Variants in SLC25A21 observed in about 807,000 individuals in gnomAD.
SLC25A21 encodes the protein solute carrier family 25 member 21.
In SLC25A21, 47 loss-of-function variants were observed where a neutral mutation model predicts 43.8. The observed-to-expected ratio is 1.07, with a 90% CI of 0.85 to 1.37. The LOEUF (loss-of-function observed/expected upper bound fraction) is 1.37. Among genes scored for constraint, SLC25A21 ranks in the 40% most tolerant of loss-of-function variants. The pLI, the probability that SLC25A21 is intolerant of heterozygous loss-of-function variation, is 0.00. For missense variants in SLC25A21, 352 were observed against 350.2 expected (o/e 1.00, Z -0.04); for synonymous variants, 131 against 121.3 (o/e 1.08, Z -0.52).
intron 1 of SLC25A21, among the ~76,000 whole-genome samples, chr14:37,104,199 C>A (rs1170669081): frequency 6.6e-6 from 1 of 152,172 alleles, no homozygotes; most frequent in Non-Finnish European, 1.5e-5. Flanking sequence ...TAATTAACCT[C>A]ATAAGAGGTA....
intron 1 of SLC25A21, among the ~76,000 whole-genome samples, chr14:37,133,171 A>T (rs1490708550): frequency 2.0e-5 from 3 of 150,220 alleles, no homozygotes; most frequent in African/African-American, 4.9e-5. Flanking sequence ...ACACACACAC[A>T]CTCATGCAAA....
At chr14:36,983,188 T>C (rs17105857) in intron 1 of SLC25A21, among the ~76,000 whole-genome samples, 7,710 of 152,236 alleles carry the variant, frequency 0.051, 680 homozygotes, top group African/African-American at 0.18. Flanking sequence ...ATGTTCTAGA[T>C]AGCATACACT....
intron 3 of SLC25A21, among the ~76,000 whole-genome samples, chr14:36,738,683 A>G (rs1218318036): frequency 1.3e-5 from 2 of 152,232 alleles, no homozygotes; most frequent in Non-Finnish European, 2.9e-5. Context: ...AACACCTCCC[A>G]TAAAACTGTA....
At chr14:36,892,411 T>C (rs1891096338) in intron 1 of SLC25A21, among the ~76,000 whole-genome samples, 1 of 152,060 alleles carries the variant, frequency 6.6e-6, no homozygotes, top group Middle Eastern at 3.2e-3. Context: ...ATACAGGAAA[T>C]GTGGTATATA....
intron 6 of SLC25A21, among the ~76,000 whole-genome samples, chr14:36,715,138 T>C (rs1873286815): frequency 6.6e-6 from 1 of 152,234 alleles, no homozygotes; most frequent in Admixed American, 6.5e-5. Flanking sequence ...CCAACTGATA[T>C]AAGTAACAGA....
At chr14:36,772,856 A>C (rs912814) in intron 3 of SLC25A21, among the ~76,000 whole-genome samples, 71,180 of 152,080 alleles carry the variant, frequency 0.47, 17,781 homozygotes, top group East Asian at 0.69. Flanking sequence ...AACAATCAAT[A>C]ACTACATCTT....
intron 7 of SLC25A21, among the ~76,000 whole-genome samples, chr14:36,693,828 G>C (rs1882895587): frequency 6.6e-6 from 1 of 152,030 alleles, no homozygotes; most frequent in Non-Finnish European, 1.5e-5. Context: ...ATGTTTTGGA[G>C]AGACAGCGTC....
intron 1 of SLC25A21, among the ~76,000 whole-genome samples, chr14:37,052,670 ACT>A (rs1402106043): frequency 9.9e-5 from 15 of 151,636 alleles, no homozygotes; most frequent in Non-Finnish European, 5.9e-5. Context: ...ACAGAGTCTT[ACT>A]CTGTCTCCCA....
chr14:36,771,042 A>G (rs1351844751), intron 3 of SLC25A21, among the ~76,000 whole-genome samples: 2 of 145,808 alleles, frequency 1.4e-5, no homozygotes, highest in African/African-American at 4.9e-5. Flanking sequence ...TCCACAGTAC[A>G]GTAACTGATA....
At chr14:36,720,077 C>T (rs958785218) in intron 6 of SLC25A21, among the ~76,000 whole-genome samples, 1 of 152,186 alleles carries the variant, frequency 6.6e-6, no homozygotes, top group African/African-American at 2.4e-5. Context: ...CCAGCCAGGC[C>T]CACCCCACAT....
chr14:37,090,338 G>A (rs896471295), intron 1 of SLC25A21, among the ~76,000 whole-genome samples: 3 of 152,216 alleles, frequency 2.0e-5, no homozygotes, highest in Non-Finnish European at 4.4e-5. Context: ...AAAGTAAAAC[G>A]GAATGATGCA....
At chr14:37,108,540 A>G (rs1962957438) in intron 1 of SLC25A21, among the ~76,000 whole-genome samples, 1 of 152,220 alleles carries the variant, frequency 6.6e-6, no homozygotes, top group Non-Finnish European at 1.5e-5. Context: ...GTTATTTAAA[A>G]TACAGTTTAA....
At chr14:37,093,800 G>A (rs749813725) in intron 1 of SLC25A21, among the ~76,000 whole-genome samples, 2 of 152,148 alleles carry the variant, frequency 1.3e-5, no homozygotes, top group African/African-American at 2.4e-5. Context: ...TCTCTCCAAC[G>A]TGGTGGGATT....
intron 1 of SLC25A21, among the ~76,000 whole-genome samples, chr14:37,154,847 G>A (rs1417826770): frequency 6.6e-6 from 1 of 151,914 alleles, no homozygotes; most frequent in Non-Finnish European, 1.5e-5. Flanking sequence ...TCTCCATGTT[G>A]GTCAGGCTGG....
intron 1 of SLC25A21, among the ~76,000 whole-genome samples, chr14:37,161,211 A>G (rs746824791): frequency 2.0e-5 from 3 of 152,218 alleles, no homozygotes; most frequent in African/African-American, 4.8e-5. Context: ...AGAAGAGGGT[A>G]AAAATCAATC....
At chr14:36,861,493 T>C (rs1365987655) in intron 2 of SLC25A21, among the ~76,000 whole-genome samples, 1 of 152,188 alleles carries the variant, frequency 6.6e-6, no homozygotes, top group African/African-American at 2.4e-5. Context: ...CTCAACACTT[T>C]CAGGTTTTCT....
At chr14:36,859,353 G>C (rs1459041699) in intron 2 of SLC25A21, among the ~76,000 whole-genome samples, 1 of 152,182 alleles carries the variant, frequency 6.6e-6, no homozygotes, top group Non-Finnish European at 1.5e-5. Flanking sequence ...TACTTCATGA[G>C]TTGTGCAAGT....
intron 3 of SLC25A21, among the ~76,000 whole-genome samples, chr14:36,780,803 G>C (rs2138378012): frequency 6.6e-6 from 1 of 152,188 alleles, no homozygotes; most frequent in Admixed American, 6.5e-5. Flanking sequence ...TTTTGCTGCT[G>C]TTTGATAGAA....
intron 6 of SLC25A21, among the ~76,000 whole-genome samples, chr14:36,715,383 A>G: frequency 6.6e-6 from 1 of 152,340 alleles, no homozygotes; most frequent in East Asian, 1.9e-4. Context: ...AGATATCTGT[A>G]AACACATGGA....
Sources: allele counts gnomAD v4.1 joint callset (sites outside exome capture counted in the v4.1 genomes callset), GRCh38; gene constraint gnomAD v4.1.1; transcripts MANE v1.5; gene names NCBI Gene and HGNC (gene_info 2026-07-23, HGNC 2026-07-21).